Variants in HMCN1 observed in about 807,000 individuals in gnomAD.
HMCN1 encodes hemicentin-1.
In HMCN1, 321 loss-of-function variants were observed where a neutral mutation model predicts 625.9. That is an observed-to-expected ratio of 0.51 (90% CI 0.47 to 0.56). HMCN1 has a LOEUF of 0.56. Among genes scored for constraint, HMCN1 ranks in the 20% least tolerant of loss-of-function variants. HMCN1 has a pLI of 0.00. For synonymous variants in HMCN1, 2,425 were observed against 2,417.6 expected, an observed-to-expected ratio of 1.00 and a Z score of -0.09; for missense variants, 6,588 against 6,887.3, an observed-to-expected ratio of 0.96 and a Z score of 1.54.
At chr1:185,993,811 A>G (rs1218153704) in intron 23 of HMCN1, among the ~76,000 whole-genome samples, 2 of 152,240 alleles carry the variant, frequency 1.3e-5, no homozygotes, top group African/African-American at 2.4e-5. Flanking sequence ...TTCATTCAAC[A>G]CACTGAGTGC....
At chr1:186,184,224 T>G (rs533894087) in intron 105 of HMCN1, among the ~76,000 whole-genome samples, 1 of 152,304 alleles carries the variant, frequency 6.6e-6, no homozygotes, top group Non-Finnish European at 1.5e-5. Context: ...TTAAAAAGAC[T>G]TGAGAGAAAA....
At chr1:185,929,874 A>G (rs1157827907) in intron 10 of HMCN1, among the ~76,000 whole-genome samples, 2 of 152,202 alleles carry the variant, frequency 1.3e-5, no homozygotes, top group African/African-American at 4.8e-5. Context: ...TTTCATGTCC[A>G]GTAATTATGA....
chr1:186,145,325 C>A, intron 91 of HMCN1, 78 bp from the exon 92 acceptor site: 2 of 1,396,304 alleles, frequency 1.4e-6, no homozygotes, highest in Non-Finnish European at 9.7e-7. Context: ...TTTTTTAATA[C>A]TTTTTGGATG....
rs1488892837 is a variant in HMCN1 at position 185,928,673 on chromosome 1, T to C, written c.1552+6T>C. The C allele has an allele frequency of 1.2e-6, 2 of 1,613,050 alleles. No homozygotes were observed. Among genetic ancestry groups the C allele is most frequent in the East Asian group, 2.2e-5 (1 of 44,840 alleles). On this transcript the variant is annotated splice_donor_region_variant and intron_variant, in intron 10 of 106. Transcript: ENST00000271588. ...GACATTTTTTGACGTATCAGGTAAT[T>C]ACCACTAATTTCTTTGCAGTTGCCC...
rs771157396 is a variant in HMCN1 at position 186,151,341 on chromosome 1, G to A, written c.14750G>A (p.Arg4917His). ...CGTGCCAAAATTACCAATGTACCTCGTAGTCTTGGTAAGTCTTTGCCTCAA... is the reference window on the plus strand; with the variant it reads ...CGTGCCAAAATTACCAATGTACCTCATAGTCTTGGTAAGTCTTTGCCTCAA... The part of the protein sequence containing the change: ...IIRAKITNVP[R>H]SLGSAMRKIV... The change falls in exon 94 of 107, where the codon CGT becomes CAT. Residue 4917 changes from arginine (R) to histidine (H), a missense_variant. Around this residue, in one of 3 missense-constraint regions of HMCN1, gnomAD observed 1,954 missense variants for 2,013.1 expected, o/e 0.97. Coordinates refer to ENST00000271588, the MANE Select transcript of HMCN1 (RefSeq NM_031935.3). The A allele has an allele frequency of 1.9e-5, 31 of 1,612,970 alleles. No individual in the cohort carries two copies. The highest frequency in any genetic ancestry group is 9.9e-5 in the South Asian group (9 of 91,054).
intron 97 of HMCN1, among the ~76,000 whole-genome samples, chr1:186,158,757 A>G (rs1651218707): frequency 1.3e-5 from 2 of 152,060 alleles, no homozygotes; most frequent in African/African-American, 4.8e-5. Flanking sequence ...GATATGTGGC[A>G]TTATTTCAGA....
intron 46 of HMCN1, 96 bp from the exon 47 acceptor site, chr1:186,061,755 G>T: frequency 1.3e-6 from 1 of 744,284 alleles, no homozygotes; most frequent in Non-Finnish European, 2.3e-6. Flanking sequence ...AAAGCATACT[G>T]ATTAAATTTT....
chr1:185,804,533 A>G (rs1557982595), intron 1 of HMCN1, among the ~76,000 whole-genome samples: 1 of 152,096 alleles, frequency 6.6e-6, no homozygotes, highest in Non-Finnish European at 1.5e-5. Context: ...GGAATCCCAC[A>G]ACTCAAAGTC....
chr1:186,056,646 G>A (rs1456105889), intron 45 of HMCN1, among the ~76,000 whole-genome samples: 2 of 151,876 alleles, frequency 1.3e-5, no homozygotes, highest in African/African-American at 2.4e-5. Flanking sequence ...ATGCAGGAAT[G>A]GAAAATCAGA....
chr1:185,947,592 T>C (rs1183816274), intron 11 of HMCN1, among the ~76,000 whole-genome samples: 13 of 152,344 alleles, frequency 8.5e-5, no homozygotes, highest in Admixed American at 8.5e-4. Flanking sequence ...GAGATATCAT[T>C]TGCAAATGTC....
At chr1:186,059,962 C>T (rs184443479) in intron 46 of HMCN1, among the ~76,000 whole-genome samples, 3 of 152,172 alleles carry the variant, frequency 2.0e-5, no homozygotes, top group East Asian at 3.9e-4. Context: ...TACCTCTCAA[C>T]TGGAATCATA....
intron 1 of HMCN1, among the ~76,000 whole-genome samples, chr1:185,838,588 G>A (rs1261853196): frequency 3.9e-5 from 6 of 152,112 alleles, no homozygotes; most frequent in African/African-American, 1.4e-4. Context: ...GGTGGGAGGT[G>A]GGAACATGCA....
chr1:186,117,237 C>T lies in HMCN1; in HGVS notation c.11683+122C>T, dbSNP rs777281888. 444 of 1,354,950 alleles carry T rather than the reference C, an allele frequency of 3.3e-4. 2 individuals are homozygous for T. The highest frequency in any genetic ancestry group is 1.0e-3 in the Middle Eastern group (5 of 4,902). The allele number at this position is 1,354,950 out of a possible 1,614,324, so 83.9% of individuals were successfully genotyped here. ...AACATTTATTTTAAGTTCAGGGGTA[C>T]ACATGCAGGTTCGTTATATGGGTAA... On this transcript the variant is annotated intron_variant, in intron 76 of 106. Transcript: ENST00000271588.
chr1:185,984,139 A>C (rs1558117542), intron 18 of HMCN1, 30 bp from the exon 19 acceptor site: 1 of 1,598,290 alleles, frequency 6.3e-7, no homozygotes. Context: ...TTTCTTTTTA[A>C]ATAAAAATTA....
At chr1:186,050,451 G>A (rs10798034) in intron 42 of HMCN1, among the ~76,000 whole-genome samples, 93,723 of 151,574 alleles carry the variant, frequency 0.62, 30,076 homozygotes, top group African/African-American at 0.8. Flanking sequence ...AGAGACTCTA[G>A]ATAAGAAACT....
intron 4 of HMCN1, among the ~76,000 whole-genome samples, chr1:185,872,136 A>G (rs1663657478): frequency 6.6e-6 from 1 of 152,238 alleles, no homozygotes; most frequent in African/African-American, 2.4e-5. Flanking sequence ...TCACCTGTGG[A>G]AAATGGAATG....
chr1:185,800,958 A>G lies in HMCN1; in HGVS notation c.269-45068A>G, dbSNP rs931962334. Among the ~76,000 whole-genome samples, 23 of 152,136 alleles carry G rather than the reference A, an allele frequency of 1.5e-4. 1 individual carries two copies. Among genetic ancestry groups the G allele is most frequent in the African/African-American group, 5.6e-4 (23 of 41,432 alleles). ...TGTACTCTTCTTGGGTCACTACTCTACTCTGATCTTTGCAGCTTTTAAAAA... is the reference window on the plus strand; with the variant it reads ...TGTACTCTTCTTGGGTCACTACTCTGCTCTGATCTTTGCAGCTTTTAAAAA... On this transcript the variant is annotated intron_variant, in intron 1 of 106. Transcript: ENST00000271588.
In HMCN1 at chr1:185,928,846, C is replaced by T. The variant is rs558299020; in HGVS notation, c.1552+179C>T. ...CACCATGTATCAGATACACGACTCT[C>T]CTTGGGCTAATTGTTTAAGAACTCA... is the stretch of plus-strand genomic sequence containing the variant. On this transcript the variant is annotated intron_variant, in intron 10 of 106. Coordinates refer to ENST00000271588, the MANE Select transcript of HMCN1 (RefSeq NM_031935.3). Among the ~76,000 whole-genome samples the T allele has an allele frequency of 2.6e-5, 4 of 152,186 alleles. No homozygotes were observed. The South Asian group carries it at 8.3e-4, about 32-fold the overall frequency.
intron 97 of HMCN1, among the ~76,000 whole-genome samples, chr1:186,162,835 C>T (rs902513756): frequency 1.8e-4 from 27 of 152,206 alleles, no homozygotes; most frequent in Admixed American, 5.2e-4. Context: ...TGGGGGGTGC[C>T]TCCCAGTTAG....
Sources: allele counts gnomAD v4.1 joint callset (sites outside exome capture counted in the v4.1 genomes callset), GRCh38; gene constraint gnomAD v4.1.1; regional missense constraint gnomAD v4.1.1; transcripts MANE v1.5; gene names NCBI Gene and HGNC (gene_info 2026-07-23, HGNC 2026-07-21).